RGS7: variants seen among roughly 807,000 people sequenced by gnomAD.
RGS7 encodes regulator of G protein signaling 7, also known as regulator of G-protein signaling 7.
RGS7 carries 27 observed loss-of-function variants against 81.1 expected under a neutral mutation model. The ratio of observed to expected loss-of-function variants is 0.33; its 90% CI spans 0.25 to 0.46. RGS7 has a LOEUF of 0.46. Among genes scored for constraint, RGS7 ranks in the 20% least tolerant of loss-of-function variants. The probability of loss-of-function intolerance (pLI) is 1.00; values close to 1 mark genes in which losing one functional copy is unlikely to be tolerated. For missense variants in RGS7, 396 were observed against 607.4 expected (o/e 0.65, Z 3.66); for synonymous variants, 208 against 207.7 (o/e 1.00, Z -0.01).
intron 4 of RGS7, among the ~76,000 whole-genome samples, chr1:240,945,987 C>G (rs1168834357): frequency 6.6e-6 from 1 of 152,032 alleles, no homozygotes; most frequent in African/African-American, 2.4e-5. Flanking sequence ...TCATCTTTCT[C>G]AAAATTAGTT....
At chr1:241,134,458 T>G (rs2067346892) in intron 2 of RGS7, among the ~76,000 whole-genome samples, 1 of 152,208 alleles carries the variant, frequency 6.6e-6, no homozygotes, top group African/African-American at 2.4e-5. Context: ...TAAAATGCAA[T>G]TATTATTGTA....
intron 6 of RGS7, among the ~76,000 whole-genome samples, chr1:240,878,489 C>T (rs1257725644): frequency 1.4e-3 from 165 of 117,424 alleles, no homozygotes; most frequent in Middle Eastern, 5.0e-3. Flanking sequence ...TTTTTTCTTT[C>T]TTTTTTTTTT....
At chr1:241,309,101 A>G (rs976207335) in intron 2 of RGS7, among the ~76,000 whole-genome samples, 1 of 152,154 alleles carries the variant, frequency 6.6e-6, no homozygotes, top group African/African-American at 2.4e-5. Context: ...AATGACAAGA[A>G]TAAGTCCAGG....
At chr1:240,859,318 A>G (rs1661722739) in intron 9 of RGS7, among the ~76,000 whole-genome samples, 1 of 151,998 alleles carries the variant, frequency 6.6e-6, no homozygotes, top group Non-Finnish European at 1.5e-5. Context: ...TTAATTGAAT[A>G]GGTTAATCTT....
chr1:240,820,239 A>C (rs1381651467), intron 10 of RGS7, among the ~76,000 whole-genome samples: 1 of 152,180 alleles, frequency 6.6e-6, no homozygotes, highest in African/African-American at 2.4e-5. Context: ...AAATTAACTA[A>C]TTGAGATCCA....
In RGS7 at chr1:241,026,551, T is replaced by C. The variant is rs1194287120; in HGVS notation, c.176-43422A>G. Among the ~76,000 whole-genome samples the C allele has an allele frequency of 1.3e-5, 2 of 151,722 alleles. 1 individual carries two copies. The highest frequency in any genetic ancestry group is 4.2e-4 in the South Asian group (2 of 4,808). ...TTGCAGTGAGCCGAGATCGCGCCAC[T>C]GCACTCCAGTCTGTGTGACAGAGTG... is the stretch of plus-strand genomic sequence containing the variant. On this transcript the variant is annotated intron_variant, in intron 3 of 18. Coordinates refer to ENST00000440928, the MANE Select transcript of RGS7 (RefSeq NM_001364886.1).
At position 240,801,475 on chromosome 1, in the gene RGS7, CA is replaced by C; in HGVS notation, c.1392del (p.Phe464LeufsTer25). 6.2e-7 allele frequency: 1 copy of C among 1,607,984 alleles called. No individual in the cohort carries two copies. The highest frequency in any genetic ancestry group is 1.7e-5 in the Admixed American group (1 of 59,850). On this transcript the variant is annotated frameshift_variant, in exon 17 of 19. Transcript: ENST00000440928. LOFTEE classifies it high-confidence loss of function. The stretch of plus-strand genomic sequence containing the variant: ...CTTACCACATTCTGTGCAAATTTTT[CA>C]AAAGATGTTCTGCGATCCATTGAGT... ...SGNSMDRRTS[F>X]EKFAQNVGRN...
chr1:240,868,970 T>C lies in RGS7; in HGVS notation c.451-118A>G. The C allele has an allele frequency of 1.1e-6, 1 of 899,532 alleles. No individual in the cohort carries two copies. The highest frequency in any genetic ancestry group is 1.8e-6 in the Non-Finnish European group (1 of 540,990). 55.7% of individuals were successfully genotyped at this position (899,532 alleles called of 1,614,324 possible). ...TAGAGAGTTTCTAAAGCCCTAAGTG[T>C]ACTGTGGTTCTCAATGATAAGTCAT... is the stretch of plus-strand genomic sequence containing the variant. On this transcript the variant is annotated intron_variant, in intron 7 of 18. Coordinates refer to ENST00000440928, the MANE Select transcript of RGS7 (RefSeq NM_001364886.1). This position sits in a 1 kb window ranked among gnomAD's most constrained non-coding sequence, Gnocchi z 5.1.
chr1:241,232,363 T>C (rs948502557), intron 2 of RGS7, among the ~76,000 whole-genome samples: 5 of 152,026 alleles, frequency 3.3e-5, no homozygotes, highest in Admixed American at 2.6e-4. Context: ...ATTCAGCTAA[T>C]TTTTAAATAC....
rs369217125 is a variant in RGS7 at position 241,232,377 on chromosome 1, TA to T, written c.78+123321del. 1.1e-3 allele frequency among the ~76,000 whole-genome samples: 166 copies of T among 152,018 alleles called. 1 individual carries two copies. Among genetic ancestry groups the T allele is most frequent in the Middle Eastern group, 3.4e-3 (1 of 294 alleles). On this transcript the variant is annotated intron_variant, in intron 2 of 18. Coordinates refer to ENST00000440928, the MANE Select transcript of RGS7 (RefSeq NM_001364886.1). ...AATTCAGCTAATTTTTAAATACATA[TA>T]TTTTTTTTTGGAGAGAAGGGATCTC...
Position 241,268,222 on chromosome 1 carries a change from G to C in RGS7, c.78+87477C>G, listed in dbSNP as rs1030693427. 3.3e-5 allele frequency among the ~76,000 whole-genome samples: 5 copies of C among 152,186 alleles called. No individual in the cohort carries two copies. The East Asian group carries it at 9.6e-4, about 29-fold the overall frequency. ...ATTCAGCATTCTGGGAGCAGAGCCAGGAAGAGAGCTGAGGCTTCCATAATT... is the reference window on the plus strand; with the variant it reads ...ATTCAGCATTCTGGGAGCAGAGCCACGAAGAGAGCTGAGGCTTCCATAATT... On this transcript the variant is annotated intron_variant, in intron 2 of 18. Transcript: ENST00000440928.
chr1:241,352,212 C>T (rs182781036), intron 2 of RGS7, among the ~76,000 whole-genome samples: 201 of 152,320 alleles, frequency 1.3e-3, no homozygotes, highest in African/African-American at 4.7e-3. Flanking sequence ...CTTGTCACCT[C>T]TACAGATTCT....
At chr1:241,068,257 T>TCTATATATATATATATATATATATATAA (rs2062206347) in intron 3 of RGS7, among the ~76,000 whole-genome samples, 1 of 73,268 alleles carries the variant, frequency 1.4e-5, no homozygotes, top group East Asian at 8.1e-4. Flanking sequence ...TATATATATA[T>TCTATATATATATATATATATATATATAA]AAAATATTGT....
chr1:240,974,498 G>A (rs956397140), intron 4 of RGS7, among the ~76,000 whole-genome samples: 4 of 152,164 alleles, frequency 2.6e-5, no homozygotes, highest in African/African-American at 7.2e-5. Flanking sequence ...TTGATTGACC[G>A]TGGCACTTCA....
At chr1:241,344,168 C>T (rs1014067373) in intron 2 of RGS7, among the ~76,000 whole-genome samples, 4 of 152,172 alleles carry the variant, frequency 2.6e-5, no homozygotes, top group Admixed American at 1.3e-4. Flanking sequence ...TCATTGTTGA[C>T]ACTATGTGAT....
At chr1:240,908,238 A>G (rs1671167571) in intron 6 of RGS7, among the ~76,000 whole-genome samples, 1 of 150,928 alleles carries the variant, frequency 6.6e-6, no homozygotes. Context: ...TAGGAGAGAT[A>G]CCTAATGTAA....
intron 2 of RGS7, among the ~76,000 whole-genome samples, chr1:241,291,587 T>G (rs989534629): frequency 7.4e-6 from 1 of 135,108 alleles, no homozygotes; most frequent in Non-Finnish European, 1.6e-5. Flanking sequence ...TTTTTTTTTT[T>G]GCTTTTTTGA....
intron 4 of RGS7, among the ~76,000 whole-genome samples, chr1:240,977,174 G>C (rs1684251523): frequency 6.7e-6 from 1 of 149,932 alleles, no homozygotes; most frequent in South Asian, 2.1e-4. Flanking sequence ...GAACCTTGAT[G>C]AGTACTAAAT....
At chr1:241,135,850 A>C (rs909472881) in intron 2 of RGS7, among the ~76,000 whole-genome samples, 1 of 151,484 alleles carries the variant, frequency 6.6e-6, no homozygotes, top group Admixed American at 6.6e-5. Context: ...TCAGCTCACC[A>C]CAACCTCCGC....
Sources: gnomAD v4.1 joint callset for allele counts (sites outside exome capture counted in the v4.1 genomes callset) on GRCh38, gnomAD v4.1.1 for gene constraint, Gnocchi (gnomAD v3.1) non-coding constraint, MANE v1.5 for transcripts, NCBI Gene and HGNC (gene_info 2026-07-23, HGNC 2026-07-21) for gene names.